The following CRTAC1 variants were observed in gnomAD, a reference collection of about 807,000 sequenced individuals.
CRTAC1 encodes the protein cartilage acidic protein 1, also known as acidic secreted protein in cartilage.
In CRTAC1, 37 loss-of-function variants were observed where a neutral mutation model predicts 67.8. The ratio of observed to expected loss-of-function variants is 0.55; its 90% CI spans 0.42 to 0.72. The LOEUF is 0.72. Among genes scored for constraint, CRTAC1 ranks in the 30% least tolerant of loss-of-function variants. The probability of loss-of-function intolerance (pLI) is 0.00; values close to 1 mark genes in which losing one functional copy is unlikely to be tolerated. For missense variants in CRTAC1, 780 were observed against 931.6 expected, an observed-to-expected ratio of 0.84 and a Z score of 2.12; for synonymous variants, 348 against 371.0, an observed-to-expected ratio of 0.94 and a Z score of 0.71.
chr10:97,977,275 G>A (rs2051822414), intron 2 of CRTAC1, among the ~76,000 whole-genome samples: 1 of 152,162 alleles, frequency 6.6e-6, no homozygotes, highest in Non-Finnish European at 1.5e-5. Flanking sequence ...ATCATGACAG[G>A]AGCTGAATTG....
At chr10:97,919,915 T>C (rs2050813681) in intron 4 of CRTAC1, among the ~76,000 whole-genome samples, 1 of 150,752 alleles carries the variant, frequency 6.6e-6, no homozygotes, top group Admixed American at 6.6e-5. Flanking sequence ...AATTTTTTTT[T>C]TTGTTTGTTT....
Position 97,919,771 on chromosome 10 carries a change from C to CTTTTTTTTTTTTT in CRTAC1, c.559-2128_559-2116dup, listed in dbSNP as rs769852925. 2.2e-3 allele frequency among the ~76,000 whole-genome samples: 233 copies of CTTTTTTTTTTTTT among 106,286 alleles called. 10 individuals are homozygous for CTTTTTTTTTTTTT. The highest frequency in any genetic ancestry group is 5.2e-3 in the African/African-American group (143 of 27,686). The allele number at this position is 106,286 out of a possible 152,430, so 69.7% of individuals were successfully genotyped here. A position where few individuals can be genotyped will look rare whatever the true frequency, so the allele number is the denominator to read the frequency against. ...GAGATGCACTGCTTTACAGTACAGC[C>CTTTTTTTTTTTTT]TTTTTTTTTTTTTTTAAGACAGGGT... On this transcript the variant is annotated intron_variant, in intron 4 of 14. Coordinates refer to ENST00000370597, the MANE Select transcript of CRTAC1 (RefSeq NM_018058.7).
Position 97,865,638 on chromosome 10 carries a change from A to AGCG in CRTAC1, c.1893_1895dup (p.Ala633dup), listed in dbSNP as rs764952960. 5.6e-6 allele frequency: 9 copies of AGCG among 1,612,302 alleles called. No individual in the cohort carries two copies. The highest frequency in any genetic ancestry group is 2.7e-5 in the African/African-American group (2 of 74,896). ...CCGGTGCAGCAGTGGCAGCTCCAGC[A>AGCG]GCGGCAGCAGCAGCGGCAGTGGCAG... is the stretch of plus-strand genomic sequence containing the variant. On this transcript the variant is annotated inframe_insertion, in exon 15 of 15. Coordinates refer to ENST00000370597, the MANE Select transcript of CRTAC1 (RefSeq NM_018058.7).
intron 2 of CRTAC1, among the ~76,000 whole-genome samples, chr10:98,002,185 G>A (rs1377557111): frequency 6.6e-6 from 1 of 152,206 alleles, no homozygotes; most frequent in African/African-American, 2.4e-5. Context: ...CAGGGCATAC[G>A]TCTACTTTCC....
chr10:98,007,036 G>T (rs1842803727), intron 2 of CRTAC1, among the ~76,000 whole-genome samples: 1 of 152,234 alleles, frequency 6.6e-6, no homozygotes, highest in Non-Finnish European at 1.5e-5. Context: ...AGGCAGGGCA[G>T]TGATCCTAGC....
At chr10:97,924,318 G>A (rs977270733) in intron 3 of CRTAC1, among the ~76,000 whole-genome samples, 1 of 152,170 alleles carries the variant, frequency 6.6e-6, no homozygotes, top group Non-Finnish European at 1.5e-5. Flanking sequence ...AGTTTAGGGG[G>A]GTCCTCGTTC....
At position 97,865,659 on chromosome 10, in the gene CRTAC1, GGCA is replaced by G; in HGVS notation, c.1872_1874del (p.Ala625del). ...CAGCAGCGGCAGCAGCAGCGGCAGT[GGCA>G]GCAGCAGCGGTGGGGGTGGTGGGGC... On this transcript the variant is annotated inframe_deletion, in exon 15 of 15. Transcript: ENST00000370597. 1.2e-6 allele frequency: 2 copies of G among 1,611,034 alleles called. No individual in the cohort carries two copies. Among genetic ancestry groups the G allele is most frequent in the Non-Finnish European group, 1.7e-6 (2 of 1,178,700 alleles).
chr10:97,895,563 A>G lies in CRTAC1; in HGVS notation c.1318-150T>C. 1.4e-6 allele frequency: 1 copy of G among 737,780 alleles called. No homozygotes were observed. Among genetic ancestry groups the G allele is most frequent in the Admixed American group, 3.0e-5 (1 of 33,760 alleles). The allele number at this position is 737,780 out of a possible 1,614,324, so 45.7% of individuals were successfully genotyped here. A position where few individuals can be genotyped will look rare whatever the true frequency, so the allele number is the denominator to read the frequency against. On this transcript the variant is annotated intron_variant, in intron 10 of 14. Coordinates refer to ENST00000370597, the MANE Select transcript of CRTAC1 (RefSeq NM_018058.7). This position sits in a 1 kb window ranked among gnomAD's most constrained non-coding sequence, Gnocchi z 4.2. ...GAAAAAGATAGAAACAGGAAGCCAAACAAGAAAAATGAATGAGGCGAAGAC... is the reference window on the plus strand; with the variant it reads ...GAAAAAGATAGAAACAGGAAGCCAAGCAAGAAAAATGAATGAGGCGAAGAC...
intron 14 of CRTAC1, among the ~76,000 whole-genome samples, chr10:97,872,770 C>T (rs894353055): frequency 1.3e-5 from 2 of 152,274 alleles, no homozygotes; most frequent in East Asian, 3.9e-4. Context: ...GGGTACCGAT[C>T]GCCCCTGGGC....
intron 1 of CRTAC1, among the ~76,000 whole-genome samples, chr10:98,018,363 G>T (rs1843045525): frequency 6.6e-6 from 1 of 152,086 alleles, no homozygotes. Context: ...TCTGTACCAT[G>T]GAGATCGTAT....
intron 2 of CRTAC1, among the ~76,000 whole-genome samples, chr10:97,941,440 C>A (rs2051174089): frequency 6.6e-6 from 1 of 152,134 alleles, no homozygotes; most frequent in Non-Finnish European, 1.5e-5. Context: ...ATACTTCCAA[C>A]CCAAATCCCC....
intron 8 of CRTAC1, 81 bp from the exon 9 acceptor site, chr10:97,897,072 C>T (rs1346069806): frequency 4.9e-6 from 5 of 1,016,364 alleles, no homozygotes; most frequent in Non-Finnish European, 7.3e-6. Context: ...CATTCTGTCC[C>T]CTGAGCATCC....
At chr10:98,019,382 T>C (rs934569940) in intron 1 of CRTAC1, among the ~76,000 whole-genome samples, 5 of 152,192 alleles carry the variant, frequency 3.3e-5, no homozygotes, top group Admixed American at 3.3e-4. Context: ...TGCTGCCCTC[T>C]GGCCCTGGGG....
intron 2 of CRTAC1, among the ~76,000 whole-genome samples, chr10:97,936,804 T>A (rs1255598610): frequency 6.6e-6 from 1 of 152,208 alleles, no homozygotes; most frequent in Non-Finnish European, 1.5e-5. Flanking sequence ...ATTTTATGGA[T>A]GAGGCAACTG....
chr10:97,960,859 G>A (rs2051513833), intron 2 of CRTAC1, among the ~76,000 whole-genome samples: 1 of 152,202 alleles, frequency 6.6e-6, no homozygotes, highest in Admixed American at 6.5e-5. Flanking sequence ...GGGAAACAAG[G>A]GTAGTGTGTA....
Position 97,865,614 on chromosome 10 carries a change from C to T in CRTAC1, c.1920G>A (p.Pro640=), listed in dbSNP as rs747412494. ...GATTGAGATCTCCATCTACGAGGAC[C>T]GGTGCAGCAGTGGCAGCTCCAGCAG... ...AAAAGAATAA[P]VLVDGDLNLG... Residue 640 remains proline (P), a synonymous_variant, in exon 15 of 15, where the codon CCG becomes CCA. Coordinates refer to ENST00000370597, the MANE Select transcript of CRTAC1 (RefSeq NM_018058.7). 2.6e-5 allele frequency: 42 copies of T among 1,613,384 alleles called. No homozygotes were observed. Among genetic ancestry groups the T allele is most frequent in the African/African-American group, 5.3e-5 (4 of 74,922 alleles).
At chr10:97,878,276 G>C (rs894479054) in intron 14 of CRTAC1, 2 of 200,904 alleles carry the variant, frequency 1.0e-5, no homozygotes, top group Non-Finnish European at 2.0e-5. Flanking sequence ...GGGCTTTCTA[G>C]AAGTGGAATG....
At chr10:97,910,551 T>C (rs2050676570) in intron 5 of CRTAC1, among the ~76,000 whole-genome samples, 1 of 152,204 alleles carries the variant, frequency 6.6e-6, no homozygotes, top group African/African-American at 2.4e-5. Flanking sequence ...CCAGAAGAAC[T>C]TGATTTTTAA....
At chr10:97,897,948 C>T (rs2050484427) in intron 8 of CRTAC1, among the ~76,000 whole-genome samples, 1 of 152,160 alleles carries the variant, frequency 6.6e-6, no homozygotes, top group Non-Finnish European at 1.5e-5. Context: ...GTCGGAGTCC[C>T]CTGAGCTGGA....
Sources: gnomAD v4.1 joint callset for allele counts (sites outside exome capture counted in the v4.1 genomes callset) on GRCh38, gnomAD v4.1.1 for gene constraint, Gnocchi (gnomAD v3.1) non-coding constraint, MANE v1.5 for transcripts, NCBI Gene and HGNC (gene_info 2026-07-23, HGNC 2026-07-21) for gene names.